EIF5A: variants seen among roughly 807,000 people sequenced by gnomAD.
EIF5A encodes the protein eukaryotic translation initiation factor 5A.
Under a neutral mutation model 16.6 loss-of-function variants are expected in EIF5A, and 1 was observed. That is an observed-to-expected ratio of 0.06 (90% CI 0.02 to 0.28). EIF5A has a LOEUF of 0.28. Among genes scored for constraint, EIF5A ranks in the 10% least tolerant of loss-of-function variants. EIF5A has a pLI of 1.00. For synonymous variants in EIF5A, 80 were observed against 73.6 expected, an observed-to-expected ratio of 1.09 and a Z score of -0.44; for missense variants, 29 against 196.1, an observed-to-expected ratio of 0.15 and a Z score of 5.09.
chr17:7,308,733 C>T (rs757608615), intron 1 of EIF5A, among the ~76,000 whole-genome samples: 64 of 152,350 alleles, frequency 4.2e-4, no homozygotes, highest in Middle Eastern at 6.8e-3. Flanking sequence ...TTGTCACTGT[C>T]TTCCTGTTGT....
At chr17:7,307,164 C>T (rs772528051), upstream of EIF5A, 4 of 1,533,332 alleles carry the variant, frequency 2.6e-6, no homozygotes, top group Non-Finnish European at 3.5e-6. Context: ...TATCCTGAGA[C>T]GCATGCGTTC....
At chr17:7,307,362 G>C (rs971956790), upstream of EIF5A, 13 of 1,236,092 alleles carry the variant, frequency 1.1e-5, no homozygotes, top group Non-Finnish European at 1.2e-5. Context: ...TAGGACGAGC[G>C]GTCTATCAAG....
At chr17:7,309,888 T>A (rs767025034) in intron 2 of EIF5A, 88 bp downstream of exon 2, 1 of 1,613,196 alleles carries the variant, frequency 6.2e-7, no homozygotes, top group Non-Finnish European at 8.5e-7. Flanking sequence ...GTGCTGACTT[T>A]CCTTTAACTC....
upstream of EIF5A, chr17:7,307,614 G>A: frequency 9.8e-7 from 1 of 1,024,284 alleles, no homozygotes; most frequent in Non-Finnish European, 1.2e-6. Context: ...GGTCAGTGGG[G>A]AGTCGGCGCC....
At chr17:7,310,271 TC>T in intron 2 of EIF5A, 19 of 1,288,784 alleles carry the variant, frequency 1.5e-5, no homozygotes, top group Non-Finnish European at 1.8e-5. Flanking sequence ...GTTCTAGCTT[TC>T]CCTTTGGAAC....
intron 5 of EIF5A, 33 bp downstream of exon 5, chr17:7,311,684 A>T: frequency 6.2e-7 from 1 of 1,612,860 alleles, no homozygotes; most frequent in Non-Finnish European, 8.5e-7. Flanking sequence ...TGTCCCCTTC[A>T]CATTTTGTTG....
At chr17:7,307,197 G>C (rs778984326), upstream of EIF5A, 1 of 1,444,842 alleles carries the variant, frequency 6.9e-7, no homozygotes. Flanking sequence ...GTGATCTAGC[G>C]GCGTGGTCTT....
At chr17:7,309,910 T>C in intron 2 of EIF5A, 110 bp downstream of exon 2, 4 of 1,607,082 alleles carry the variant, frequency 2.5e-6, no homozygotes, top group Non-Finnish European at 3.4e-6. Context: ...GCTTTTACTG[T>C]CTGATTGTTT....
rs1483329469 is a variant in EIF5A at position 7,311,969 on chromosome 17, CGGG to C, written c.*161_*163del. The stretch of plus-strand genomic sequence containing the variant: ...GGTTTTCCCCACCCCCTCAATCTGT[CGGG>C]GAGCCCCTGCCCTTCACCTAGCTCC... On this transcript the variant is annotated 3_prime_UTR_variant, in exon 6 of 6. Coordinates refer to ENST00000336458, the MANE Select transcript of EIF5A (RefSeq NM_001970.5). 1 of 422,718 alleles carries C rather than the reference CGGG, an allele frequency of 2.4e-6. No individual in the cohort carries two copies. The highest frequency in any genetic ancestry group is 4.5e-6 in the Non-Finnish European group (1 of 221,766). The allele number at this position is 422,718 out of a possible 1,614,324, so 26.2% of individuals were successfully genotyped here.
intron 1 of EIF5A, 129 bp downstream of exon 1, chr17:7,307,881 G>C (rs1480299504): frequency 2.0e-6 from 2 of 983,536 alleles, no homozygotes; most frequent in Non-Finnish European, 2.4e-6. Flanking sequence ...GCCAGAGAGC[G>C]GCGCGAGGTG....
chr17:7,310,642 C>T (rs763353094), intron 2 of EIF5A: 203 of 985,294 alleles, frequency 2.1e-4, no homozygotes, highest in Non-Finnish European at 2.2e-4. Flanking sequence ...CCTTTCCCTT[C>T]TACCTTCCTT....
chr17:7,307,064 G>T, upstream of EIF5A: 1 of 1,603,662 alleles, frequency 6.2e-7, no homozygotes, highest in Non-Finnish European at 8.5e-7. Context: ...GAACTGGGGG[G>T]ACTGATTCCA....
chr17:7,310,903 G>A, intron 2 of EIF5A, 115 bp from the exon 3 acceptor site: 2 of 1,459,274 alleles, frequency 1.4e-6, no homozygotes, highest in Non-Finnish European at 1.8e-6. Context: ...CAACACTCCA[G>A]TCTTTGCCCC....
chr17:7,307,725 C>G lies in EIF5A; in HGVS notation c.-49C>G. ...AGCGGTTGGGCTCGCGGCGAGCGGA[C>G]GGGGTCGAGTCAGTGCGTTCGCGCG... On this transcript the variant is annotated 5_prime_UTR_variant, in exon 1 of 6. Transcript: ENST00000336458. 1 of 1,032,232 alleles carries G rather than the reference C, an allele frequency of 9.7e-7. No individual in the cohort carries two copies. Among genetic ancestry groups the G allele is most frequent in the Non-Finnish European group, 1.2e-6 (1 of 862,716 alleles). The allele number at this position is 1,032,232 out of a possible 1,614,324, so 63.9% of individuals were successfully genotyped here. A position where few individuals can be genotyped will look rare whatever the true frequency, so the allele number is the denominator to read the frequency against.
At chr17:7,311,534 TC>T in intron 4 of EIF5A, 43 bp from the exon 5 acceptor site, 1 of 1,614,112 alleles carries the variant, frequency 6.2e-7, no homozygotes. Flanking sequence ...GTACGTTTCT[TC>T]CTGAGCTCAG....
At chr17:7,308,465 C>T in intron 1 of EIF5A, 2 of 1,344,916 alleles carry the variant, frequency 1.5e-6, no homozygotes, top group Non-Finnish European at 2.0e-6. Flanking sequence ...AGGCTCGGGT[C>T]CTAATCACCC....
At chr17:7,308,564 G>A (rs771804206) in intron 1 of EIF5A, 1 of 1,350,900 alleles carries the variant, frequency 7.4e-7, no homozygotes, top group Non-Finnish European at 9.8e-7. Flanking sequence ...GAAGTGTGGC[G>A]GTCAGCCAGG....
rs34026406 is a variant in EIF5A, at chr17:7,312,109, CTTT to C, written c.*317_*319del. 63 of 89,502 alleles carry C rather than the reference CTTT, an allele frequency of 7.0e-4. No homozygotes were observed. Among genetic ancestry groups the C allele is most frequent in the Middle Eastern group, 6.0e-3 (1 of 168 alleles). 5.5% of individuals were successfully genotyped at this position (89,502 alleles called of 1,614,324 possible). ...GGGTGGGTGCTGCTTGTGGTTTAGTCTTTTTTTTTTTTTTTTTTTTAATTCAAT... is the reference window on the plus strand; with the variant it reads ...GGGTGGGTGCTGCTTGTGGTTTAGTCTTTTTTTTTTTTTTTTTAATTCAAT... On this transcript the variant is annotated 3_prime_UTR_variant, in exon 6 of 6. Transcript: ENST00000336458.
chr17:7,307,687 C>A lies in EIF5A; in HGVS notation c.-87C>A. 5 of 1,048,516 alleles carry A rather than the reference C, an allele frequency of 4.8e-6. No homozygotes were observed. The highest frequency in any genetic ancestry group is 4.6e-6 in the Non-Finnish European group (4 of 871,232). The allele number at this position is 1,048,516 out of a possible 1,614,324, so 65.0% of individuals were successfully genotyped here. A position where few individuals can be genotyped will look rare whatever the true frequency, so the allele number is the denominator to read the frequency against. On this transcript the variant is annotated 5_prime_UTR_variant, in exon 1 of 6. Transcript: ENST00000336458. ...GTAGAGGCGGCGGCGGCGGCGGCAG[C>A]GGGCTCGGAGGCAGCGGTTGGGCTC...
Sources: allele counts gnomAD v4.1 joint callset (sites outside exome capture counted in the v4.1 genomes callset), GRCh38; gene constraint gnomAD v4.1.1; transcripts MANE v1.5; gene names NCBI Gene and HGNC (gene_info 2026-07-23, HGNC 2026-07-21).